The following CPNE8 variants were observed in gnomAD, a reference collection of about 807,000 sequenced individuals.
CPNE8 encodes copine-8.
In CPNE8, 45 loss-of-function variants were observed where a neutral mutation model predicts 81.5. The ratio of observed to expected loss-of-function variants is 0.55; its 90% CI spans 0.44 to 0.71. CPNE8 has a LOEUF of 0.71. CPNE8 is among the 30% of genes least tolerant of loss of function. The pLI is 0.00. For missense variants in CPNE8, 594 were observed against 672.1 expected, an observed-to-expected ratio of 0.88 and a Z score of 1.28; for synonymous variants, 252 against 226.3, an observed-to-expected ratio of 1.11 and a Z score of -1.02.
At chr12:38,778,359 A>G (rs1210052111) in intron 6 of CPNE8, among the ~76,000 whole-genome samples, 1 of 152,202 alleles carries the variant, frequency 6.6e-6, no homozygotes, top group Non-Finnish European at 1.5e-5. Flanking sequence ...TAAGTAGTGC[A>G]TGACTATAGA....
chr12:38,888,155 C>T (rs1210029266), intron 1 of CPNE8, among the ~76,000 whole-genome samples: 2 of 152,216 alleles, frequency 1.3e-5, no homozygotes, highest in Non-Finnish European at 2.9e-5. Flanking sequence ...CCAAGCACCA[C>T]TCCCAAAATA....
chr12:38,858,997 CGTT>C (rs1205425392), intron 3 of CPNE8, among the ~76,000 whole-genome samples: 3 of 152,116 alleles, frequency 2.0e-5, no homozygotes, highest in Non-Finnish European at 4.4e-5. Context: ...ACATCATACT[CGTT>C]GGTGAAAAAC....
intron 14 of CPNE8, among the ~76,000 whole-genome samples, chr12:38,696,301 A>G (rs1008331972): frequency 6.6e-6 from 1 of 151,876 alleles, no homozygotes; most frequent in African/African-American, 2.4e-5. Flanking sequence ...CACATACTAG[A>G]CAACCCTTTT....
At chr12:38,691,516 A>G (rs990131224) in intron 15 of CPNE8, among the ~76,000 whole-genome samples, 3 of 152,150 alleles carry the variant, frequency 2.0e-5, no homozygotes, top group African/African-American at 7.2e-5. Flanking sequence ...GAAAAACAAA[A>G]GTGCTTTGAA....
intron 10 of CPNE8, among the ~76,000 whole-genome samples, chr12:38,731,879 A>G (rs2136767549): frequency 6.6e-6 from 1 of 152,022 alleles, no homozygotes; most frequent in South Asian, 2.1e-4. Context: ...CAAAAGTGCA[A>G]GTATATACTC....
At chr12:38,825,889 G>T (rs564278486) in intron 6 of CPNE8, among the ~76,000 whole-genome samples, 2 of 152,056 alleles carry the variant, frequency 1.3e-5, no homozygotes, top group Admixed American at 1.3e-4. Flanking sequence ...CAAACTAATC[G>T]TATTCACTTT....
intron 10 of CPNE8, among the ~76,000 whole-genome samples, chr12:38,752,651 T>G (rs773304038): frequency 6.6e-6 from 1 of 152,162 alleles, no homozygotes; most frequent in Non-Finnish European, 1.5e-5. Context: ...TATAACTCAT[T>G]CAGCATCAAA....
At chr12:38,806,191 G>C (rs149160022) in intron 6 of CPNE8, among the ~76,000 whole-genome samples, 10,105 of 150,178 alleles carry the variant, frequency 0.067, 1,189 homozygotes, top group African/African-American at 0.23. Flanking sequence ...GGAACTGGTA[G>C]CATTCCTTCT....
At chr12:38,887,812 G>T (rs1436616407) in intron 1 of CPNE8, among the ~76,000 whole-genome samples, 1 of 152,142 alleles carries the variant, frequency 6.6e-6, no homozygotes, top group Non-Finnish European at 1.5e-5. Flanking sequence ...TGCTAAGCCT[G>T]TAATACATTA....
chr12:38,653,876 G>T lies in CPNE8; in HGVS notation c.*6C>A. ...TTGTAGTTGACATTAGCATTTCAGA[G>T]CACAGTCATATTTGAGTCTGTAACA... On this transcript the variant is annotated 3_prime_UTR_variant, in exon 20 of 20. Coordinates refer to ENST00000331366, the MANE Select transcript of CPNE8 (RefSeq NM_153634.3). The T allele has an allele frequency of 6.2e-7, 1 of 1,609,696 alleles. No individual in the cohort carries two copies.
intron 15 of CPNE8, among the ~76,000 whole-genome samples, chr12:38,690,578 G>A (rs572835125): frequency 1.2e-3 from 176 of 152,244 alleles, no homozygotes; most frequent in South Asian, 3.5e-3. Context: ...AGACTATGGT[G>A]TAAATAACCA....
At chr12:38,668,549 T>C (rs934485964) in intron 19 of CPNE8, among the ~76,000 whole-genome samples, 5 of 152,200 alleles carry the variant, frequency 3.3e-5, no homozygotes, top group Admixed American at 6.5e-5. Context: ...CTATGAGATA[T>C]GAGGTTGCCT....
intron 5 of CPNE8, among the ~76,000 whole-genome samples, chr12:38,833,351 C>CAAAAAAAAAA (rs774534221): frequency 5.2e-4 from 32 of 61,624 alleles, no homozygotes; most frequent in Non-Finnish European, 6.0e-4. Context: ...GACCTTATCT[C>CAAAAAAAAAA]AAAAAAAAAA....
At chr12:38,797,100 G>A (rs941518305) in intron 6 of CPNE8, among the ~76,000 whole-genome samples, 3 of 152,194 alleles carry the variant, frequency 2.0e-5, no homozygotes, top group Non-Finnish European at 4.4e-5. Context: ...GCCTCTGTAG[G>A]CTCCACCTCT....
chr12:38,822,826 T>C (rs1011043499), intron 6 of CPNE8, among the ~76,000 whole-genome samples: 1 of 152,154 alleles, frequency 6.6e-6, no homozygotes, highest in Non-Finnish European at 1.5e-5. Flanking sequence ...GTAGCAGAGA[T>C]AGGACTAAAA....
chr12:38,673,298 C>T (rs1475568496), intron 18 of CPNE8, among the ~76,000 whole-genome samples: 1 of 152,060 alleles, frequency 6.6e-6, no homozygotes, highest in African/African-American at 2.4e-5. Context: ...AGTCTCATTT[C>T]TTTATAGCAG....
At chr12:38,661,029 C>A (rs995780876) in intron 19 of CPNE8, among the ~76,000 whole-genome samples, 5 of 152,124 alleles carry the variant, frequency 3.3e-5, no homozygotes, top group Non-Finnish European at 7.3e-5. Flanking sequence ...ATTAGTTCAA[C>A]TATTGTGGAA....
intron 14 of CPNE8, 92 bp from the exon 15 acceptor site, chr12:38,693,930 C>T: frequency 9.5e-7 from 1 of 1,047,582 alleles, no homozygotes; most frequent in Non-Finnish European, 1.4e-6. Context: ...ATGAAATATT[C>T]AAAATTATGT....
chr12:38,867,350 G>C (rs1332951239), intron 3 of CPNE8, among the ~76,000 whole-genome samples: 2 of 151,546 alleles, frequency 1.3e-5, no homozygotes, highest in Non-Finnish European at 2.9e-5. Flanking sequence ...GAGAGAGAGA[G>C]AGAGAGAGAG....
Sources: gnomAD v4.1 joint callset for allele counts (sites outside exome capture counted in the v4.1 genomes callset) on GRCh38, gnomAD v4.1.1 for gene constraint, MANE v1.5 for transcripts, NCBI Gene and HGNC (gene_info 2026-07-23, HGNC 2026-07-21) for gene names.